Variants in ERC1 observed in about 807,000 individuals in gnomAD.
The protein encoded by ERC1 is ELKS/RAB6-interacting/CAST family member 1.
In ERC1, 56 loss-of-function variants were observed where a neutral mutation model predicts 132.0. The observed-to-expected ratio is 0.42, with a 90% CI of 0.34 to 0.53. The LOEUF (loss-of-function observed/expected upper bound fraction) is 0.53. Among genes scored for constraint, ERC1 ranks in the 20% least tolerant of loss-of-function variants. ERC1 has a pLI of 0.03. For missense variants in ERC1, 1,202 were observed against 1,349.9 expected (o/e 0.89, Z 1.72); for synonymous variants, 478 against 476.1 (o/e 1.00, Z -0.05).
intron 15 of ERC1, among the ~76,000 whole-genome samples, chr12:1,297,649 G>C (rs1465724354): frequency 1.4e-5 from 2 of 146,354 alleles, no homozygotes; most frequent in African/African-American, 5.1e-5. Context: ...GGAGGCTGTA[G>C]TAAGCCAAGA....
At chr12:1,195,201 C>T (rs1956109084) in intron 12 of ERC1, among the ~76,000 whole-genome samples, 1 of 152,178 alleles carries the variant, frequency 6.6e-6, no homozygotes, top group Non-Finnish European at 1.5e-5. Flanking sequence ...GTGACTACCA[C>T]CATGATCAAG....
chr12:1,363,482 T>C (rs2086337886), intron 15 of ERC1, among the ~76,000 whole-genome samples: 1 of 151,836 alleles, frequency 6.6e-6, no homozygotes, highest in African/African-American at 2.4e-5. Context: ...TTGTGAAAAA[T>C]GGAAGTCAGT....
chr12:1,416,861 C>T, intron 17 of ERC1, among the ~76,000 whole-genome samples: 1 of 152,110 alleles, frequency 6.6e-6, no homozygotes, highest in African/African-American at 2.4e-5. Flanking sequence ...AGTAGTTGCT[C>T]AGTTAATGTT....
In ERC1 at chr12:1,280,611, A is replaced by G. The variant is rs141445449; in HGVS notation, c.2620-9241A>G. 4.3e-3 allele frequency among the ~76,000 whole-genome samples: 655 copies of G among 152,280 alleles called. 10 individuals are homozygous for G. Among genetic ancestry groups the G allele is most frequent in the African/African-American group, 0.015 (627 of 41,538 alleles). On this transcript the variant is annotated intron_variant, in intron 14 of 18. Coordinates refer to ENST00000360905, the MANE Select transcript of ERC1 (RefSeq NM_178040.4). ...TTATTATCCCCACAAGTATCCACTCACCACCTCACATTGAGATAAGTATTT... is the reference window on the plus strand; with the variant it reads ...TTATTATCCCCACAAGTATCCACTCGCCACCTCACATTGAGATAAGTATTT...
intron 1 of ERC1, among the ~76,000 whole-genome samples, chr12:995,673 G>T (rs1960685852): frequency 6.6e-6 from 1 of 152,152 alleles, no homozygotes; most frequent in Non-Finnish European, 1.5e-5. Context: ...AAACATCTGA[G>T]CCTAGGGGAC....
At chr12:1,227,205 T>A (rs551629635) in intron 12 of ERC1, among the ~76,000 whole-genome samples, 1 of 152,318 alleles carries the variant, frequency 6.6e-6, no homozygotes, top group South Asian at 2.1e-4. Context: ...GGAACCTTCT[T>A]ACCGTTTTCC....
At chr12:1,198,748 G>T (rs533633299) in intron 12 of ERC1, among the ~76,000 whole-genome samples, 1 of 152,286 alleles carries the variant, frequency 6.6e-6, no homozygotes, top group South Asian at 2.1e-4. Flanking sequence ...TGAAGGGGAA[G>T]CAGGCACATT....
chr12:1,474,878 G>A (rs994411675), intron 18 of ERC1, among the ~76,000 whole-genome samples: 1 of 152,180 alleles, frequency 6.6e-6, no homozygotes, highest in Admixed American at 6.5e-5. Context: ...GTGGTAGGGT[G>A]AGGCATTCTC....
chr12:1,021,937 A>C (rs754988365), intron 1 of ERC1, among the ~76,000 whole-genome samples: 1 of 152,190 alleles, frequency 6.6e-6, no homozygotes, highest in Non-Finnish European at 1.5e-5. Context: ...GTCATAGGCT[A>C]ATGTATTAAC....
chr12:1,488,285 T>G (rs548577548), intron 18 of ERC1, among the ~76,000 whole-genome samples: 11 of 152,122 alleles, frequency 7.2e-5, no homozygotes, highest in Non-Finnish European at 1.5e-4. Flanking sequence ...CGCAGCTCCC[T>G]TTTTGCTTTT....
chr12:1,241,190 T>C (rs1039308798), intron 13 of ERC1, among the ~76,000 whole-genome samples: 1 of 152,228 alleles, frequency 6.6e-6, no homozygotes, highest in Admixed American at 6.5e-5. Context: ...ATAGCCACTT[T>C]GGTTCTATTT....
chr12:1,422,548 C>G (rs1021392791), intron 17 of ERC1, among the ~76,000 whole-genome samples: 4 of 151,484 alleles, frequency 2.6e-5, no homozygotes, highest in African/African-American at 7.3e-5. Flanking sequence ...TTTTTAATCA[C>G]TAAATAGCAT....
chr12:1,412,379 T>C (rs2091898928), intron 17 of ERC1, among the ~76,000 whole-genome samples: 1 of 152,186 alleles, frequency 6.6e-6, no homozygotes, highest in Non-Finnish European at 1.5e-5. Context: ...TATCCATAGA[T>C]GGGAAGAGAA....
At chr12:1,290,060 C>CTT (rs754312458) in intron 15 of ERC1, 48 bp downstream of exon 15, 2 of 1,512,994 alleles carry the variant, frequency 1.3e-6, no homozygotes, top group East Asian at 4.5e-5. Flanking sequence ...AGTGGAAATA[C>CTT]TTTTTCTCCC....
chr12:1,228,704 C>A (rs909042515), intron 12 of ERC1, among the ~76,000 whole-genome samples: 4 of 152,060 alleles, frequency 2.6e-5, no homozygotes, highest in African/African-American at 4.8e-5. Flanking sequence ...GAGGTACATT[C>A]CTTCTTTACC....
chr12:1,306,930 G>A (rs2080926964), intron 15 of ERC1, among the ~76,000 whole-genome samples: 1 of 152,134 alleles, frequency 6.6e-6, no homozygotes, highest in African/African-American at 2.4e-5. Flanking sequence ...CATGGTTGTA[G>A]TTGGGAGGTT....
chr12:1,140,771 C>T (rs2154248345), intron 7 of ERC1, among the ~76,000 whole-genome samples: 1 of 151,556 alleles, frequency 6.6e-6, no homozygotes, highest in South Asian at 2.1e-4. Flanking sequence ...GTGGCTAGCC[C>T]AAATTGAGAT....
At chr12:1,353,609 G>T (rs2085245003) in intron 15 of ERC1, among the ~76,000 whole-genome samples, 1 of 152,138 alleles carries the variant, frequency 6.6e-6, no homozygotes, top group Non-Finnish European at 1.5e-5. Context: ...AACATAGGCT[G>T]GGGGGCCACT....
At chr12:1,159,345 A>G (rs2154259804) in intron 8 of ERC1, among the ~76,000 whole-genome samples, 1 of 152,242 alleles carries the variant, frequency 6.6e-6, no homozygotes, top group Non-Finnish European at 1.5e-5. Flanking sequence ...CCTCGAATGC[A>G]CACTTGACAG....
Sources: gnomAD v4.1 joint callset for allele counts (sites outside exome capture counted in the v4.1 genomes callset) on GRCh38, gnomAD v4.1.1 for gene constraint, MANE v1.5 for transcripts, NCBI Gene and HGNC (gene_info 2026-07-23, HGNC 2026-07-21) for gene names.